Variants in CLSTN2 observed in about 807,000 individuals in gnomAD.
CLSTN2 encodes calsyntenin-2.
Under a neutral mutation model 101.2 loss-of-function variants are expected in CLSTN2, and 48 were observed. The ratio of observed to expected loss-of-function variants is 0.47; its 90% CI spans 0.38 to 0.60. The LOEUF (loss-of-function observed/expected upper bound fraction) is 0.60. Ranked by LOEUF, CLSTN2 falls within the 20% of genes least tolerant of loss-of-function variation. The probability of loss-of-function intolerance (pLI) is 0.00; values close to 1 mark genes in which losing one functional copy is unlikely to be tolerated. For synonymous variants in CLSTN2, 481 were observed against 463.6 expected (o/e 1.04, Z -0.48); for missense variants, 1,160 against 1,238.2 (o/e 0.94, Z 0.95).
chr3:140,348,105 A>G (rs2087567738), intron 2 of CLSTN2, among the ~76,000 whole-genome samples: 2 of 152,202 alleles, frequency 1.3e-5, no homozygotes, highest in South Asian at 2.1e-4. Context: ...AAGTTTACCA[A>G]TTGTGGTCAA....
At chr3:140,146,406 G>T (rs2009781355) in intron 1 of CLSTN2, among the ~76,000 whole-genome samples, 1 of 152,178 alleles carries the variant, frequency 6.6e-6, no homozygotes, top group South Asian at 2.1e-4. Flanking sequence ...TGAAAAGCAG[G>T]CTAGGTAGCT....
chr3:140,503,514 CTA>C (rs1485745976), intron 8 of CLSTN2, among the ~76,000 whole-genome samples: 1 of 152,050 alleles, frequency 6.6e-6, no homozygotes, highest in Non-Finnish European at 1.5e-5. Context: ...TGAGTGCACT[CTA>C]TGATGTTCGA....
intron 8 of CLSTN2, among the ~76,000 whole-genome samples, chr3:140,509,444 G>A (rs1386633380): frequency 6.6e-6 from 1 of 152,150 alleles, no homozygotes; most frequent in Non-Finnish European, 1.5e-5. Flanking sequence ...TACTGATGCT[G>A]TGGTTCAGAG....
chr3:140,413,850 C>G (rs1364960075), intron 4 of CLSTN2, among the ~76,000 whole-genome samples: 1 of 151,974 alleles, frequency 6.6e-6, no homozygotes, highest in African/African-American at 2.4e-5. Flanking sequence ...AAAATTCATC[C>G]TTTCATGATA....
intron 11 of CLSTN2, among the ~76,000 whole-genome samples, chr3:140,558,239 G>C (rs972541863): frequency 6.6e-6 from 1 of 152,238 alleles, no homozygotes; most frequent in Non-Finnish European, 1.5e-5. Flanking sequence ...GCAGAGGCAG[G>C]AGAGTTTAGC....
At chr3:140,402,458 A>G (rs1001471239) in intron 2 of CLSTN2, among the ~76,000 whole-genome samples, 2 of 152,226 alleles carry the variant, frequency 1.3e-5, no homozygotes, top group African/African-American at 4.8e-5. Flanking sequence ...GTTTTTTATG[A>G]AGTTCAAATG....
At chr3:140,401,267 A>T (rs1247809240) in intron 2 of CLSTN2, among the ~76,000 whole-genome samples, 2 of 152,254 alleles carry the variant, frequency 1.3e-5, no homozygotes, top group African/African-American at 4.8e-5. Context: ...TGATGAAAAC[A>T]AAGTGGGTCT....
At chr3:139,953,697 G>C (rs986899977) in intron 1 of CLSTN2, among the ~76,000 whole-genome samples, 1 of 152,172 alleles carries the variant, frequency 6.6e-6, no homozygotes, top group East Asian at 1.9e-4. Flanking sequence ...ATTTTACCCA[G>C]TGTCTGGGCA....
intron 2 of CLSTN2, among the ~76,000 whole-genome samples, chr3:140,309,071 C>G (rs1175454425): frequency 6.6e-6 from 1 of 152,212 alleles, no homozygotes; most frequent in African/African-American, 2.4e-5. Flanking sequence ...GTGCTTGACT[C>G]TGTCTTCTCT....
chr3:140,488,940 G>C (rs563387325), intron 8 of CLSTN2, among the ~76,000 whole-genome samples: 1 of 151,974 alleles, frequency 6.6e-6, no homozygotes, highest in Admixed American at 6.6e-5. Context: ...ATCCAGACTG[G>C]GAAAATCTAT....
At chr3:140,133,009 AT>A (rs573120356) in intron 1 of CLSTN2, among the ~76,000 whole-genome samples, 5 of 152,100 alleles carry the variant, frequency 3.3e-5, no homozygotes, top group African/African-American at 1.2e-4. Context: ...TGGATAATTT[AT>A]TTTTTTTAAA....
At chr3:140,386,316 A>G (rs2088051171) in intron 2 of CLSTN2, among the ~76,000 whole-genome samples, 1 of 152,232 alleles carries the variant, frequency 6.6e-6, no homozygotes, top group East Asian at 1.9e-4. Context: ...CTCTGGTCTT[A>G]GCCAGTATAA....
At chr3:140,348,544 A>T (rs376370667) in intron 2 of CLSTN2, among the ~76,000 whole-genome samples, 3 of 152,306 alleles carry the variant, frequency 2.0e-5, no homozygotes, top group East Asian at 1.9e-4. Context: ...TATTAGTCAC[A>T]TACATCTCAA....
At chr3:140,311,139 G>T (rs939415681) in intron 2 of CLSTN2, among the ~76,000 whole-genome samples, 2 of 151,956 alleles carry the variant, frequency 1.3e-5, no homozygotes, top group African/African-American at 2.4e-5. Flanking sequence ...ATAGTAAGAG[G>T]CTACTTACTG....
chr3:140,338,766 A>T, intron 2 of CLSTN2, among the ~76,000 whole-genome samples: 1 of 152,192 alleles, frequency 6.6e-6, no homozygotes, highest in East Asian at 1.9e-4. Context: ...GGAGACCAGA[A>T]GGGGAAGTGT....
At chr3:140,263,109 G>A (rs1415811332) in intron 2 of CLSTN2, among the ~76,000 whole-genome samples, 3 of 151,244 alleles carry the variant, frequency 2.0e-5, no homozygotes, top group Admixed American at 2.0e-4. Context: ...AAGACTGCAA[G>A]GGAAGTAGTG....
chr3:140,303,842 A>G (rs2087085309), intron 2 of CLSTN2, among the ~76,000 whole-genome samples: 1 of 151,722 alleles, frequency 6.6e-6, no homozygotes, highest in Non-Finnish European at 1.5e-5. Flanking sequence ...CAGGAATCTC[A>G]CTTTGGACTT....
At chr3:140,058,858 G>A (rs2008146161) in intron 1 of CLSTN2, among the ~76,000 whole-genome samples, 1 of 152,132 alleles carries the variant, frequency 6.6e-6, no homozygotes, top group African/African-American at 2.4e-5. Flanking sequence ...ATGGTGTCCT[G>A]CGAAAGGCAG....
rs1005136346 is a variant in CLSTN2, at chr3:140,566,240, C to A, written c.2855C>A (p.Thr952Asn). 1.3e-6 allele frequency: 2 copies of A among 1,568,502 alleles called. No individual in the cohort carries two copies. Among genetic ancestry groups the A allele is most frequent in the Non-Finnish European group, 1.7e-6 (2 of 1,156,550 alleles). ...RQAQLEWDDS[T>N]LPY ...GCCCAGCTGGAGTGGGATGACTCCA[C>A]CCTCCCCTACTAGTGCCCAGGGGTC... The change falls in exon 17 of 17, where the codon ACC becomes AAC. Residue 952 changes from threonine to asparagine, a missense_variant. Physicochemically the swap from Thr to Asn is moderately conservative, Grantham distance 65. Coordinates refer to ENST00000458420, the MANE Select transcript of CLSTN2 (RefSeq NM_022131.3).
Sources: allele counts gnomAD v4.1 joint callset (sites outside exome capture counted in the v4.1 genomes callset), GRCh38; gene constraint gnomAD v4.1.1; transcripts MANE v1.5; gene names NCBI Gene and HGNC (gene_info 2026-07-23, HGNC 2026-07-21).